The following ELP6 variants were observed in gnomAD, a reference collection of about 807,000 sequenced individuals.
The protein encoded by ELP6 is elongator acetyltransferase complex subunit 6, also known as elongator complex protein 6.
In ELP6, 23 loss-of-function variants were observed where a neutral mutation model predicts 28.1. The observed-to-expected ratio is 0.82, with a 90% confidence interval of 0.59 to 1.16. The LOEUF (loss-of-function observed/expected upper bound fraction) is 1.16. ELP6 is among the 50% of genes most tolerant of loss of function. ELP6 has a pLI of 0.00. For missense variants in ELP6, 313 were observed against 334.6 expected, an observed-to-expected ratio of 0.94 and a Z score of 0.50; for synonymous variants, 132 against 135.8, an observed-to-expected ratio of 0.97 and a Z score of 0.19.
In ELP6 at chr3:47,513,689, A is replaced by G. The variant is rs1171965855; in HGVS notation, c.-99T>C. On this transcript the variant is annotated 5_prime_UTR_variant, in exon 1 of 7. Coordinates refer to ENST00000296149, the MANE Select transcript of ELP6 (RefSeq NM_001031703.3). ...ACACACCCGACAGCCCGGCTCGCGC[A>G]AGGAAGCGCGCATGCGCAATGCCAC... 13 of 1,505,698 alleles carry G rather than the reference A, an allele frequency of 8.6e-6. No homozygotes were observed. The highest frequency in any genetic ancestry group is 1.2e-5 in the Non-Finnish European group (13 of 1,102,632). 93.3% of individuals were successfully genotyped at this position (1,505,698 alleles called of 1,614,324 possible). A position where few individuals can be genotyped will look rare whatever the true frequency, so the allele number is the denominator to read the frequency against.
chr3:47,509,497 C>CT (rs1484267235), intron 3 of ELP6, among the ~76,000 whole-genome samples: 1 of 152,206 alleles, frequency 6.6e-6, no homozygotes, highest in Non-Finnish European at 1.5e-5. Flanking sequence ...ACGAAAGTCC[C>CT]TCTCCCCACA....
intron 4 of ELP6, chr3:47,502,581 T>C: frequency 1.0e-6 from 1 of 982,814 alleles, no homozygotes; most frequent in Non-Finnish European, 1.2e-6. Context: ...ACACCTGTAA[T>C]CCCAGCACTT....
chr3:47,511,474 C>A (rs1709015950), intron 1 of ELP6: 1 of 1,301,656 alleles, frequency 7.7e-7, no homozygotes, highest in East Asian at 3.4e-5. Flanking sequence ...CTCCTCAAAG[C>A]AAACAGAGAA....
Position 47,513,523 on chromosome 3 carries a change from G to A in ELP6, c.54+14C>T, listed in dbSNP as rs779690055. The A allele has an allele frequency of 1.2e-6, 2 of 1,611,340 alleles. No homozygotes were observed. On this transcript the variant is annotated intron_variant, in intron 1 of 6. Transcript: ENST00000296149. ...GCCAGGTCCCGCCCCCTTCCGGCCAGCGGGACCTCTTACCTGCTCCGCCCT... is the reference window on the plus strand; with the variant it reads ...GCCAGGTCCCGCCCCCTTCCGGCCAACGGGACCTCTTACCTGCTCCGCCCT...
intron 1 of ELP6, chr3:47,511,944 C>T: frequency 1.0e-6 from 1 of 984,928 alleles, no homozygotes; most frequent in Non-Finnish European, 1.2e-6. Context: ...GGTTTTTTCA[C>T]TTACAAAATG....
intron 5 of ELP6, chr3:47,501,401 A>C: frequency 1.9e-6 from 1 of 522,900 alleles, no homozygotes; most frequent in Non-Finnish European, 3.5e-6. Context: ...CAGACCTGGG[A>C]CTGCAGCGGT....
chr3:47,510,356 C>T (rs1243827535), intron 2 of ELP6, 102 bp from the exon 3 acceptor site: 4 of 928,572 alleles, frequency 4.3e-6, no homozygotes, highest in Non-Finnish European at 6.5e-6. Flanking sequence ...ATCTAGAGAC[C>T]CAGAGGCTTT....
intron 4 of ELP6, chr3:47,502,297 C>T: frequency 2.0e-6 from 1 of 503,640 alleles, no homozygotes; most frequent in Non-Finnish European, 2.6e-6. Flanking sequence ...GTAATACCAG[C>T]CACTCAGGAG....
chr3:47,498,198 C>A, intron 6 of ELP6, 88 bp downstream of exon 6: 1 of 1,538,696 alleles, frequency 6.5e-7, no homozygotes, highest in East Asian at 2.4e-5. Context: ...CCCAACCAGA[C>A]AGTCCCTCAG....
In ELP6 at chr3:47,512,550, AAAATAAAT is replaced by A. The variant is rs369399582; in HGVS notation, c.54+979_54+986del. 362 of 959,410 alleles carry A rather than the reference AAAATAAAT, an allele frequency of 3.8e-4. 3 individuals are homozygous for A. In the South Asian group the frequency reaches 0.015, roughly 40 times the overall value. The allele number at this position is 959,410 out of a possible 1,614,324, so 59.4% of individuals were successfully genotyped here. On this transcript the variant is annotated intron_variant, in intron 1 of 6. Transcript: ENST00000296149. ...CAGGCGAGGGAGCGAGACTCCATCA[AAAATAAAT>A]AAATAAATAAATAAGCCAAAAGATA...
In ELP6 at chr3:47,510,247, A is replaced by C. The variant is rs773760333; in HGVS notation, c.141T>G (p.Cys47Trp). The change falls in exon 3 of 7, where the codon TGT becomes TGG. Residue 47 changes from cysteine to tryptophan, a missense_variant. Cys to Trp is a radical substitution (Grantham distance 215). Transcript: ENST00000296149. ...GGATGAGTGCCACAAAGCAGACTTTACAATTAGCTAGAAAACAAAACAATT... is the reference window on the plus strand; with the variant it reads ...GGATGAGTGCCACAAAGCAGACTTTCCAATTAGCTAGAAAACAAAACAATT... ...HFLSFYLKAN[C>W]KVCFVALIQS... is the part of the protein sequence containing the mutation. 6.2e-7 allele frequency: 1 copy of C among 1,613,110 alleles called. No individual in the cohort carries two copies. The highest frequency in any genetic ancestry group is 8.5e-7 in the Non-Finnish European group (1 of 1,179,098).
chr3:47,513,476 GGATGCAGTATTCC>G, intron 1 of ELP6, 48 bp downstream of exon 1: 1 of 1,583,826 alleles, frequency 6.3e-7, no homozygotes, highest in Middle Eastern at 1.7e-4. Flanking sequence ...ACCGCCTCCC[GGATGCAGTATTCC>G]GCTGCCCTGC....
At chr3:47,511,992 A>G in intron 1 of ELP6, 7 of 984,986 alleles carry the variant, frequency 7.1e-6, no homozygotes, top group Non-Finnish European at 8.4e-6. Context: ...TGTTACCCCT[A>G]GTGCTGTCAT....
chr3:47,496,479 C>G, intron 6 of ELP6: 7 of 970,194 alleles, frequency 7.2e-6, no homozygotes, highest in Non-Finnish European at 8.6e-6. Flanking sequence ...GAGGAAGACC[C>G]TTAAAGTATT....
At chr3:47,502,503 C>T in intron 4 of ELP6, 1 of 983,830 alleles carries the variant, frequency 1.0e-6, no homozygotes, top group Non-Finnish European at 1.2e-6. Context: ...TTGGATTGGG[C>T]AGGCGGAAAC....
chr3:47,496,773 C>T (rs937989703), intron 6 of ELP6: 24 of 984,544 alleles, frequency 2.4e-5, no homozygotes, highest in African/African-American at 3.5e-5. Flanking sequence ...GGATTACAGG[C>T]GTGAGCCACT....
chr3:47,507,085 G>A (rs2108115280), intron 3 of ELP6, among the ~76,000 whole-genome samples: 1 of 152,246 alleles, frequency 6.6e-6, no homozygotes, highest in Non-Finnish European at 1.5e-5. Context: ...ATTCCTGGCT[G>A]GGCATGGTGG....
In ELP6 at chr3:47,504,449, C is replaced by A; in HGVS notation, c.205-1G>T. 1 of 1,596,420 alleles carries A rather than the reference C, an allele frequency of 6.3e-7. No homozygotes were observed. The highest frequency in any genetic ancestry group is 8.5e-7 in the Non-Finnish European group (1 of 1,170,232). On this transcript the variant is annotated splice_acceptor_variant, in intron 3 of 6. Transcript: ENST00000296149. LOFTEE classifies it high-confidence loss of function. ...CCCGCGCCATGGTCAGGCTGACACC[C>A]TAAACATGAAAAAGAGAGTGAGTTA...
chr3:47,503,567 C>A, intron 4 of ELP6: 1 of 508,260 alleles, frequency 2.0e-6, no homozygotes, highest in South Asian at 2.2e-5. Flanking sequence ...ATGAACGTGG[C>A]TGTATTCCAA....
Sources: allele counts gnomAD v4.1 joint callset (sites outside exome capture counted in the v4.1 genomes callset), GRCh38; gene constraint gnomAD v4.1.1; transcripts MANE v1.5; gene names NCBI Gene and HGNC (gene_info 2026-07-23, HGNC 2026-07-21).